Variants in TASOR2 observed in about 807,000 individuals in gnomAD.
The protein encoded by TASOR2 is protein TASOR 2.
In TASOR2, 84 loss-of-function variants were observed where a neutral mutation model predicts 199.5. That is an observed-to-expected ratio of 0.42 (90% CI 0.35 to 0.50). The LOEUF is 0.50. TASOR2 is among the 20% of genes least tolerant of loss of function. The probability of loss-of-function intolerance (pLI) is 0.02; values close to 1 mark genes in which losing one functional copy is unlikely to be tolerated. For missense variants in TASOR2, 2,796 were observed against 2,835.9 expected (o/e 0.99, Z 0.32); for synonymous variants, 1,103 against 1,046.6 (o/e 1.05, Z -1.04).
Position 5,715,873 on chromosome 10 carries a change from C to A in TASOR2, c.-191-1786C>A, listed in dbSNP as rs138641983. 4.7e-3 allele frequency among the ~76,000 whole-genome samples: 715 copies of A among 152,268 alleles called. 4 individuals carry two copies. Among genetic ancestry groups the A allele is most frequent in the African/African-American group, 0.016 (681 of 41,548 alleles). ...GGCCAGGATGGTCTCGATCTCCTGA[C>A]CTCATGGTCAGCCCTCCTTGGCCTC... On this transcript the variant is annotated intron_variant, in intron 2 of 20. Transcript: ENST00000328090.
intron 18 of TASOR2, chr10:5,761,057 C>T (rs1839751627): frequency 4.3e-6 from 2 of 459,994 alleles, no homozygotes; most frequent in Admixed American, 3.9e-5. Context: ...CTTGATTGGT[C>T]GTAGGTAGAT....
chr10:5,707,650 C>T (rs1838802278), intron 1 of TASOR2, among the ~76,000 whole-genome samples: 1 of 139,070 alleles, frequency 7.2e-6, no homozygotes, highest in Non-Finnish European at 1.6e-5. Context: ...GATTCTCATT[C>T]TCTTTCTCTC....
intron 20 of TASOR2, 120 bp downstream of exon 21, chr10:5,762,766 T>C (rs188508221): frequency 1.9e-4 from 130 of 699,084 alleles, no homozygotes; most frequent in Non-Finnish European, 2.9e-4. Flanking sequence ...ATGCTATAAA[T>C]TTAAAGTGTT....
chr10:5,720,730 TTC>T lies in TASOR2; in HGVS notation c.27-23_27-22del. The T allele has an allele frequency of 8.1e-6, 13 of 1,613,774 alleles. No individual in the cohort carries two copies. The highest frequency in any genetic ancestry group is 1.1e-5 in the Non-Finnish European group (13 of 1,179,892). ...TGTTCCTTTTACTCTTGTAAACATG[TTC>T]TTTTTCTTTCTTTTTCTGCTAGACT... On this transcript the variant is annotated intron_variant, in intron 4 of 20. Transcript: ENST00000328090. This position sits in a 1 kb window ranked among gnomAD's most constrained non-coding sequence, Gnocchi z 5.3.
intron 1 of TASOR2, among the ~76,000 whole-genome samples, chr10:5,695,504 T>C (rs1249280876): frequency 2.0e-5 from 3 of 152,188 alleles, no homozygotes; most frequent in Non-Finnish European, 4.4e-5. Context: ...GAGGTCTTCA[T>C]AATTACACAA....
In TASOR2 at chr10:5,742,374, C is replaced by T. The variant is rs780618443; in HGVS notation, c.2605C>T (p.Arg869Cys). Residue 869 changes from arginine to cysteine, a missense_variant, in exon 14 of 21, where the codon CGT becomes TGT. Physicochemically the swap from Arg to Cys is radical, Grantham distance 180 (BLOSUM62 -3). Coordinates refer to ENST00000328090, the Ensembl canonical transcript of TASOR2. This position sits in a 1 kb window ranked among gnomAD's most constrained non-coding sequence, Gnocchi z 4.2. ...GGCTCATGCTGCTGAAGTATCCTTCCGTGATCCTAACTGCTTGCTTCCTTT... is the reference window on the plus strand; with the variant it reads ...GGCTCATGCTGCTGAAGTATCCTTCTGTGATCCTAACTGCTTGCTTCCTTT... 15 of 1,613,986 alleles carry T rather than the reference C, an allele frequency of 9.3e-6. No individual in the cohort carries two copies. The highest frequency in any genetic ancestry group is 6.7e-5 in the East Asian group (3 of 44,880).
rs982803349 is a variant in TASOR2 at position 5,742,403 on chromosome 10, T to G, written c.2634T>G (p.Ile878Met). The change falls in exon 14 of 21, where the codon ATT becomes ATG. Residue 878 changes from isoleucine to methionine, a missense_variant. Physicochemically the swap from Ile to Met is conservative, Grantham distance 10 (BLOSUM62 1). Around this residue, in one of 3 missense-constraint regions of TASOR2, gnomAD observed 1,941 missense variants for 1,924.9 expected, o/e 1.01. Coordinates refer to ENST00000328090, the Ensembl canonical transcript of TASOR2. The surrounding 1 kb of genome is among the most constrained non-coding windows in gnomAD (Gnocchi z 4.2). The stretch of plus-strand genomic sequence containing the variant: ...ATCCTAACTGCTTGCTTCCTTTCAT[T>G]AAAACACCACTTACCCAAGGCTTGG... 6.2e-7 allele frequency: 1 copy of G among 1,613,970 alleles called. No homozygotes were observed. The highest frequency in any genetic ancestry group is 1.7e-5 in the Admixed American group (1 of 59,990).
At chr10:5,709,410 GTAAA>G in intron 1 of TASOR2, 1 of 590,298 alleles carries the variant, frequency 1.7e-6, no homozygotes, top group East Asian at 3.6e-5. Flanking sequence ...GTCAAAGGAG[GTAAA>G]TAAATATTAC....
intron 6 of TASOR2, among the ~76,000 whole-genome samples, chr10:5,723,209 C>G (rs1050916217): frequency 6.6e-6 from 1 of 151,492 alleles, no homozygotes. Context: ...GCGCCCACCA[C>G]CACATCCGGC....
intron 12 of TASOR2, 115 bp downstream of exon 13, chr10:5,735,661 G>A: frequency 7.7e-7 from 1 of 1,305,872 alleles, no homozygotes; most frequent in Non-Finnish European, 1.0e-6. Context: ...AATTTTTTCT[G>A]TGTTTTTCAG....
Position 5,751,564 on chromosome 10 carries a change from T to G in TASOR2, c.6606+1537T>G, listed in dbSNP as rs1229142818. Among the ~76,000 whole-genome samples the G allele has an allele frequency of 1.3e-5, 2 of 152,236 alleles. No homozygotes were observed. The highest frequency in any genetic ancestry group is 4.8e-5 in the African/African-American group (2 of 41,464). ...CTTTAAGTTGGCTTCTGTGTCCTTTTGACAATTCGCCATAATTCTTCGGGC... is the reference window on the plus strand; with the variant it reads ...CTTTAAGTTGGCTTCTGTGTCCTTTGGACAATTCGCCATAATTCTTCGGGC... On this transcript the variant is annotated intron_variant, in intron 15 of 20. Transcript: ENST00000328090. The surrounding 1 kb of genome is among the most constrained non-coding windows in gnomAD (Gnocchi z 5.3).
At position 5,754,786 on chromosome 10, in the gene TASOR2, G is replaced by A. The variant is rs530011232; in HGVS notation, c.6607-1827G>A. Among the ~76,000 whole-genome samples the A allele has an allele frequency of 6.6e-6, 1 of 152,274 alleles. No homozygotes were observed. The highest frequency in any genetic ancestry group is 2.4e-5 in the African/African-American group (1 of 41,562). On this transcript the variant is annotated intron_variant, in intron 15 of 20. Transcript: ENST00000328090. This position sits in a 1 kb window ranked among gnomAD's most constrained non-coding sequence, Gnocchi z 4.3. ...CGGCCGGGCGCGGTGGCTCACGCCTGTAATCCCAGCACTTTGGGAGGCCGA... is the reference window on the plus strand; with the variant it reads ...CGGCCGGGCGCGGTGGCTCACGCCTATAATCCCAGCACTTTGGGAGGCCGA...
chr10:5,756,387 A>G (rs1838948046), intron 15 of TASOR2, among the ~76,000 whole-genome samples: 1 of 152,230 alleles, frequency 6.6e-6, no homozygotes, highest in African/African-American at 2.4e-5. Context: ...AAAGAAAATC[A>G]GCCTTTGATA....
intron 11 of TASOR2, among the ~76,000 whole-genome samples, chr10:5,734,210 A>G (rs1209150582): frequency 6.6e-6 from 1 of 152,250 alleles, no homozygotes; most frequent in Non-Finnish European, 1.5e-5. Flanking sequence ...TCTGTTGTGC[A>G]TTATAAGCAG....
At position 5,720,948 on chromosome 10, in the gene TASOR2, G is replaced by A. The variant is rs1287722523; in HGVS notation, c.124G>A (p.Gly42Ser). Residue 42 changes from glycine to serine, a missense_variant, in exon 6 of 21, where the codon GGT (glycine) becomes AGT (serine). Gly to Ser is a moderately conservative substitution (Grantham distance 56). Around this residue, in one of 3 missense-constraint regions of TASOR2, gnomAD observed 847 missense variants for 887.4 expected, o/e 0.95. Transcript: ENST00000328090. This position sits in a 1 kb window ranked among gnomAD's most constrained non-coding sequence, Gnocchi z 5.3. ...TGATATAGCTCTTTGGTCCACTTAC[G>A]GTGCAATGATTCCAACACAGCTGTA... 10 of 1,612,204 alleles carry A rather than the reference G, an allele frequency of 6.2e-6. No homozygotes were observed. Among genetic ancestry groups the A allele is most frequent in the East Asian group, 2.2e-5 (1 of 44,832 alleles).
chr10:5,688,395 A>ATT (rs34362647), intron 1 of TASOR2, among the ~76,000 whole-genome samples: 2,557 of 99,558 alleles, frequency 0.026, 13 homozygotes, highest in African/African-American at 0.031. Flanking sequence ...CTAATTTTTA[A>ATT]TTTTTTTTTT....
chr10:5,737,707 A>G lies in TASOR2; in HGVS notation c.1448-1911A>G, dbSNP rs539406961. 6.4e-4 allele frequency among the ~76,000 whole-genome samples: 98 copies of G among 152,186 alleles called. No homozygotes were observed. The highest frequency in any genetic ancestry group is 1.2e-3 in the Non-Finnish European group (81 of 68,040). ...AATTCATCTGACATGTCTTGGTCCA[A>G]TCTTTCCAATTTGTAAACATGAGAA... On this transcript the variant is annotated intron_variant, in intron 12 of 20. Transcript: ENST00000328090. The surrounding 1 kb of genome is among the most constrained non-coding windows in gnomAD (Gnocchi z 4.9).
chr10:5,724,097 A>G (rs1363048581), intron 7 of TASOR2, among the ~76,000 whole-genome samples: 1 of 152,194 alleles, frequency 6.6e-6, no homozygotes, highest in Non-Finnish European at 1.5e-5. Flanking sequence ...GGTTTTATTT[A>G]TAGAGGTACT....
Position 5,720,789 on chromosome 10 carries a change from A to G in TASOR2, c.46+15A>G, listed in dbSNP as rs757232781. ...CAGTGAAAATGGTAAGAAATAGTTC[A>G]TTGATTCTTTTAGGTTTTTTTTTTC... On this transcript the variant is annotated intron_variant, in intron 5 of 20. Transcript: ENST00000328090. This position sits in a 1 kb window ranked among gnomAD's most constrained non-coding sequence, Gnocchi z 5.3. The G allele has an allele frequency of 6.2e-6, 10 of 1,603,736 alleles. No individual in the cohort carries two copies. In the East Asian group the frequency reaches 1.3e-4, roughly 21 times the overall value.
Sources: gnomAD v4.1 joint callset for allele counts (sites outside exome capture counted in the v4.1 genomes callset) on GRCh38, gnomAD v4.1.1 for gene constraint, gnomAD v4.1.1 regional missense constraint, Gnocchi (gnomAD v3.1) non-coding constraint, MANE v1.5 for transcripts, NCBI Gene and HGNC (gene_info 2026-07-23, HGNC 2026-07-21) for gene names.